Variants in PEAK1 observed in about 807,000 individuals in gnomAD.
The protein encoded by PEAK1 is inactive tyrosine-protein kinase PEAK1.
A neutral mutation model predicts 124.7 loss-of-function variants in PEAK1; 54 were observed. The observed-to-expected ratio is 0.43, with a 90% CI of 0.35 to 0.54. The LOEUF is 0.54. Among genes scored for constraint, PEAK1 ranks in the 20% least tolerant of loss-of-function variants. The pLI is 0.01. For synonymous variants in PEAK1, 719 were observed against 760.0 expected, an observed-to-expected ratio of 0.95 and a Z score of 0.89; for missense variants, 2,046 against 2,134.5, an observed-to-expected ratio of 0.96 and a Z score of 0.82.
intron 1 of PEAK1, among the ~76,000 whole-genome samples, chr15:77,407,984 CATAT>C (rs1324804714): frequency 1.3e-5 from 2 of 149,608 alleles, no homozygotes; most frequent in African/African-American, 4.9e-5. Context: ...CACACATATA[CATAT>C]ATACACATAC....
rs560811923 is a variant in PEAK1, at chr15:77,114,106, G to A, written c.*50C>T. On this transcript the variant is annotated 3_prime_UTR_variant, in exon 10 of 10. Coordinates refer to ENST00000682557, the MANE Select transcript of PEAK1 (RefSeq NM_001385026.1). ...GAGCACTAGGGAGGGGAAGTGCATG[G>A]GTGACATGAAGAAGGTGAAGATGTA... 1.0e-5 allele frequency: 16 copies of A among 1,569,170 alleles called. No homozygotes were observed. In the South Asian group the frequency reaches 1.7e-4, roughly 17 times the overall value.
At position 77,285,896 on chromosome 15, in the gene PEAK1, GC is replaced by G. The variant is rs1254266062; in HGVS notation, c.-521+526del. On this transcript the variant is annotated intron_variant, in intron 3 of 9. Coordinates refer to ENST00000682557, the MANE Select transcript of PEAK1 (RefSeq NM_001385026.1). ...CTTAGTTATTTCTTGTCTTCTGCTA[GC>G]TTTTGAATTTGTTTGTTATTGCTTC... 2.8e-4 allele frequency among the ~76,000 whole-genome samples: 42 copies of G among 152,180 alleles called. No individual in the cohort carries two copies. The Middle Eastern group carries it at 0.01, about 37-fold the overall frequency.
At chr15:77,294,403 G>A (rs1279213695) in intron 2 of PEAK1, among the ~76,000 whole-genome samples, 3 of 152,120 alleles carry the variant, frequency 2.0e-5, no homozygotes, top group Non-Finnish European at 4.4e-5. Flanking sequence ...CTACGATTAT[G>A]AAATAATATA....
intron 6 of PEAK1, among the ~76,000 whole-genome samples, chr15:77,206,159 T>A (rs1374252696): frequency 8.1e-6 from 1 of 123,978 alleles, no homozygotes; most frequent in African/African-American, 3.1e-5. Context: ...CATGAACTCA[T>A]CATTTTTTAT....
intron 5 of PEAK1, among the ~76,000 whole-genome samples, chr15:77,282,884 T>G (rs1250800457): frequency 6.6e-6 from 1 of 152,074 alleles, no homozygotes; most frequent in Admixed American, 6.6e-5. Flanking sequence ...CTATGAAGGG[T>G]CCTCTTCATC....
chr15:77,286,806 A>G (rs1294894517), intron 2 of PEAK1, among the ~76,000 whole-genome samples: 1 of 152,160 alleles, frequency 6.6e-6, no homozygotes, highest in Non-Finnish European at 1.5e-5. Context: ...AGATAACTTC[A>G]CTATTCAGGG....
intron 1 of PEAK1, among the ~76,000 whole-genome samples, chr15:77,375,861 C>T (rs1036842670): frequency 1.3e-5 from 2 of 151,892 alleles, no homozygotes; most frequent in East Asian, 1.9e-4. Flanking sequence ...TAGCCGGACG[C>T]GGTGGCGGGT....
intron 2 of PEAK1, among the ~76,000 whole-genome samples, chr15:77,360,548 T>C (rs748111023): frequency 2.0e-5 from 3 of 152,086 alleles, no homozygotes; most frequent in African/African-American, 4.8e-5. Context: ...GGTCCACTTA[T>C]ATGCATTTTT....
At chr15:77,210,358 A>C (rs1265476551) in intron 6 of PEAK1, among the ~76,000 whole-genome samples, 2 of 152,198 alleles carry the variant, frequency 1.3e-5, no homozygotes, top group Non-Finnish European at 2.9e-5. Context: ...AAAGTTCCCA[A>C]AGGGAAGAAG....
At chr15:77,182,333 A>G (rs919616237) in intron 6 of PEAK1, among the ~76,000 whole-genome samples, 1 of 151,350 alleles carries the variant, frequency 6.6e-6, no homozygotes, top group African/African-American at 2.4e-5. Flanking sequence ...CTTTGATACC[A>G]CTCCTTCTGT....
chr15:77,334,862 A>G (rs1430960468), intron 2 of PEAK1: 1 of 985,258 alleles, frequency 1.0e-6, no homozygotes, highest in Non-Finnish European at 1.2e-6. Flanking sequence ...CTGTATTTTC[A>G]TGCCTTCAGA....
chr15:77,403,868 G>A (rs1315540603), intron 1 of PEAK1: 10 of 984,446 alleles, frequency 1.0e-5, no homozygotes, highest in Non-Finnish European at 1.2e-6. Context: ...TTATTACAAT[G>A]CCACAAATTC....
At chr15:77,145,176 CG>C in intron 8 of PEAK1, among the ~76,000 whole-genome samples, 1 of 152,148 alleles carries the variant, frequency 6.6e-6, no homozygotes, top group South Asian at 2.1e-4. Context: ...AGGCCAGGTG[CG>C]GTGGCTCATG....
intron 5 of PEAK1, among the ~76,000 whole-genome samples, chr15:77,275,691 C>T (rs2062279710): frequency 6.6e-6 from 1 of 150,606 alleles, no homozygotes; most frequent in Non-Finnish European, 1.5e-5. Context: ...CTGGGCGACA[C>T]AGTGAGACTC....
At chr15:77,333,967 A>G (rs1244693331) in intron 2 of PEAK1, 9 of 413,520 alleles carry the variant, frequency 2.2e-5, no homozygotes, top group Non-Finnish European at 2.6e-5. Context: ...TTAGATTTTG[A>G]TTAGAATTGC....
chr15:77,370,858 C>A (rs2068586246), intron 1 of PEAK1: 3 of 539,946 alleles, frequency 5.6e-6, no homozygotes, highest in East Asian at 3.0e-4. Flanking sequence ...GGTGAAATCC[C>A]AACTCTACTA....
intron 1 of PEAK1, among the ~76,000 whole-genome samples, chr15:77,411,286 A>G (rs2072390818): frequency 6.6e-6 from 1 of 152,208 alleles, no homozygotes; most frequent in Non-Finnish European, 1.5e-5. Context: ...AAAAGGTAGC[A>G]GAGAGCCAAA....
chr15:77,274,238 C>G (rs984503295), intron 5 of PEAK1, among the ~76,000 whole-genome samples: 3 of 152,064 alleles, frequency 2.0e-5, no homozygotes, highest in Non-Finnish European at 2.9e-5. Flanking sequence ...TGACCAGAAC[C>G]CGAAAGCAAA....
chr15:77,105,316 T>TGG (rs1555407934), downstream of PEAK1: 1 of 118,904 alleles, frequency 8.4e-6, no homozygotes, highest in African/African-American at 3.4e-5. Context: ...AGCCATTAGT[T>TGG]GGTGTGTGTG....
Sources: allele counts gnomAD v4.1 joint callset (sites outside exome capture counted in the v4.1 genomes callset), GRCh38; gene constraint gnomAD v4.1.1; transcripts MANE v1.5; gene names NCBI Gene and HGNC (gene_info 2026-07-23, HGNC 2026-07-21).